Variants in HK2 observed in about 807,000 individuals in gnomAD.
The protein encoded by HK2 is hexokinase-2.
HK2 carries 42 observed loss-of-function variants against 92.9 expected under a neutral mutation model. The ratio of observed to expected loss-of-function variants is 0.45; its 90% confidence interval spans 0.35 to 0.58. The LOEUF is 0.58. Among genes scored for constraint, HK2 ranks in the 20% least tolerant of loss-of-function variants. HK2 has a pLI of 0.00. For missense variants in HK2, 978 were observed against 1,245.1 expected, an observed-to-expected ratio of 0.79 and a Z score of 3.23; for synonymous variants, 422 against 468.0, an observed-to-expected ratio of 0.90 and a Z score of 1.27.
rs1215667396 is a variant in HK2, at chr2:74,834,169, G to A, written c.-412G>A. On this transcript the variant is annotated 5_prime_UTR_variant, in exon 1 of 18. Transcript: ENST00000290573. The surrounding 1 kb of genome is among the most constrained non-coding windows in gnomAD (Gnocchi z 4.2). ...TCCGGCGCAGGAGTCCCGGGCTGCC[G>A]CTGGCAACATCGTGTCACCCAGCTA... The A allele has an allele frequency of 6.3e-5, 22 of 347,462 alleles. No homozygotes were observed. Among genetic ancestry groups the A allele is most frequent in the South Asian group, 4.6e-4 (20 of 43,722 alleles). 21.5% of individuals were successfully genotyped at this position (347,462 alleles called of 1,614,324 possible).
In HK2 at chr2:74,882,141, T is replaced by A. The variant is rs368661495; in HGVS notation, c.1741T>A (p.Cys581Ser). ...GDELFDHIVQ[C>S]IADFLEYMGM... is the part of the protein sequence containing the mutation. ...GCAGCTCTTTGACCACATTGTCCAG[T>A]GCATCGCGGACTTCCTCGAGTACAT... The change falls in exon 12 of 18, where the codon TGC (cysteine) becomes AGC (serine). Residue 581 changes from cysteine (C) to serine (S), a missense_variant. Transcript: ENST00000290573. 1.9e-6 allele frequency: 3 copies of A among 1,614,068 alleles called. No homozygotes were observed. The highest frequency in any genetic ancestry group is 2.2e-5 in the South Asian group (2 of 91,092).
Position 74,886,336 on chromosome 2 carries a change from G to A in HK2, c.1978G>A (p.Gly660Arg), listed in dbSNP as rs763967521. 12 of 1,614,192 alleles carry A rather than the reference G, an allele frequency of 7.4e-6. No homozygotes were observed. The highest frequency in any genetic ancestry group is 1.3e-5 in the African/African-American group (1 of 75,044). The change falls in exon 14 of 18, where the codon GGA becomes AGA. Residue 660 changes from glycine to arginine, a missense_variant. Gly to Arg is a moderately radical substitution (Grantham distance 125). This residue lies in a region of HK2 where 742 missense variants were observed against 922.5 expected (regional missense o/e 0.80). Coordinates refer to ENST00000290573, the MANE Select transcript of HK2 (RefSeq NM_000189.5). ...DVVAVVNDTV[G>R]TMMTCGFEDP... ...GGTTGCTGTGGTGAACGACACAGTC[G>A]GAACTATGATGACCTGTGGCTTTGA...
chr2:74,883,604 TCTC>T (rs1425387566), intron 12 of HK2, among the ~76,000 whole-genome samples: 1 of 152,186 alleles, frequency 6.6e-6, no homozygotes, highest in Non-Finnish European at 1.5e-5. Context: ...GATGCCTCCT[TCTC>T]CTCCTTATCT....
chr2:74,842,671 A>G (rs1205147175), intron 1 of HK2, among the ~76,000 whole-genome samples: 1 of 152,196 alleles, frequency 6.6e-6, no homozygotes, highest in African/African-American at 2.4e-5. Context: ...TCCTGAAGCC[A>G]GGGAAGAAGG....
intron 15 of HK2, among the ~76,000 whole-genome samples, chr2:74,887,567 A>G (rs1283217269): frequency 1.3e-5 from 2 of 152,054 alleles, no homozygotes; most frequent in African/African-American, 2.4e-5. Context: ...CAGTGGGGTT[A>G]TGGTGTGTTC....
chr2:74,836,583 C>T (rs566000785), intron 1 of HK2, among the ~76,000 whole-genome samples: 1 of 152,316 alleles, frequency 6.6e-6, no homozygotes, highest in South Asian at 2.1e-4. Context: ...AGCCACCTGT[C>T]AGTTTGAGAA....
At chr2:74,838,997 G>A (rs559496744) in intron 1 of HK2, among the ~76,000 whole-genome samples, 31 of 152,258 alleles carry the variant, frequency 2.0e-4, no homozygotes, top group Admixed American at 1.4e-3. Flanking sequence ...GGTGACATTT[G>A]CACTGGAATC....
intron 1 of HK2, 67 bp from the exon 2 acceptor site, chr2:74,854,226 A>G: frequency 6.8e-7 from 1 of 1,460,052 alleles, no homozygotes. Context: ...GTGGTGTTCC[A>G]TGACGTACAC....
At chr2:74,847,724 C>T (rs1046857595) in intron 1 of HK2, among the ~76,000 whole-genome samples, 5 of 152,106 alleles carry the variant, frequency 3.3e-5, no homozygotes, top group East Asian at 1.9e-4. Context: ...ACAAACTTGA[C>T]GAAGCTCCAA....
At chr2:74,866,355 A>AC (rs1337066409) in intron 2 of HK2, among the ~76,000 whole-genome samples, 2 of 151,696 alleles carry the variant, frequency 1.3e-5, no homozygotes, top group Non-Finnish European at 2.9e-5. Flanking sequence ...CAATAAGTGA[A>AC]CCCCCCAGGA....
intron 9 of HK2, among the ~76,000 whole-genome samples, chr2:74,879,332 C>A (rs181003323): frequency 1.3e-5 from 2 of 152,320 alleles, no homozygotes; most frequent in East Asian, 3.9e-4. Context: ...TGATCCTGCC[C>A]TGTCCACATT....
At chr2:74,881,463 C>CG (rs1231212977) in intron 10 of HK2, among the ~76,000 whole-genome samples, 2 of 152,160 alleles carry the variant, frequency 1.3e-5, no homozygotes, top group African/African-American at 4.8e-5. Flanking sequence ...AAGGGTTGAA[C>CG]GAGGACTGTG....
At chr2:74,845,819 C>A (rs181349825) in intron 1 of HK2, among the ~76,000 whole-genome samples, 81 of 152,354 alleles carry the variant, frequency 5.3e-4, no homozygotes, top group African/African-American at 1.8e-3. Flanking sequence ...GTCTTCCCCC[C>A]GGCTCATCTT....
At chr2:74,851,502 C>T (rs534710675) in intron 1 of HK2, among the ~76,000 whole-genome samples, 86 of 152,268 alleles carry the variant, frequency 5.6e-4, no homozygotes, top group African/African-American at 1.6e-3. Context: ...GTTTAAACAT[C>T]GAAGATAAAC....
intron 2 of HK2, among the ~76,000 whole-genome samples, chr2:74,862,501 C>T (rs1448723014): frequency 6.6e-6 from 1 of 152,124 alleles, no homozygotes; most frequent in Non-Finnish European, 1.5e-5. Flanking sequence ...TTAGAGATAT[C>T]GGGCCATATA....
chr2:74,868,470 A>G (rs1187309905), intron 3 of HK2, among the ~76,000 whole-genome samples: 1 of 152,174 alleles, frequency 6.6e-6, no homozygotes, highest in East Asian at 1.9e-4. Context: ...TCATCTGTAA[A>G]AAGGGATGAT....
At chr2:74,847,497 G>A (rs56832964) in intron 1 of HK2, among the ~76,000 whole-genome samples, 1 of 152,076 alleles carries the variant, frequency 6.6e-6, no homozygotes, top group East Asian at 1.9e-4. Flanking sequence ...GGACAACGCA[G>A]TGAGACTCTG....
chr2:74,886,202 A>G, intron 13 of HK2, 92 bp from the exon 14 acceptor site: 1 of 916,708 alleles, frequency 1.1e-6, no homozygotes, highest in Non-Finnish European at 1.8e-6. Flanking sequence ...TATGATATAT[A>G]TTTTATATAC....
At chr2:74,886,830 A>G (rs1689552210) in intron 15 of HK2, among the ~76,000 whole-genome samples, 157 bp downstream of exon 15, 1 of 152,190 alleles carries the variant, frequency 6.6e-6, no homozygotes, top group African/African-American at 2.4e-5. Flanking sequence ...ATGCACCTGG[A>G]AAGTTCTGAG....
Sources: gnomAD v4.1 joint callset for allele counts (sites outside exome capture counted in the v4.1 genomes callset) on GRCh38, gnomAD v4.1.1 for gene constraint, gnomAD v4.1.1 regional missense constraint, Gnocchi (gnomAD v3.1) non-coding constraint, MANE v1.5 for transcripts, NCBI Gene and HGNC (gene_info 2026-07-23, HGNC 2026-07-21) for gene names.